The following TAFA2 variants were observed in gnomAD, a reference collection of about 807,000 sequenced individuals.
The protein encoded by TAFA2 is TAFA chemokine like family member 2.
Under a neutral mutation model 18.8 loss-of-function variants are expected in TAFA2, and 7 were observed. That is an observed-to-expected ratio of 0.37 (90% CI 0.21 to 0.70). TAFA2 has a LOEUF of 0.70. TAFA2 is among the 30% of genes least tolerant of loss of function. The pLI, the probability that TAFA2 is intolerant of heterozygous loss-of-function variation, is 0.53. For synonymous variants in TAFA2, 60 were observed against 54.2 expected (o/e 1.11, Z -0.47); for missense variants, 122 against 158.1 (o/e 0.77, Z 1.23).
intron 1 of TAFA2, among the ~76,000 whole-genome samples, chr12:62,229,020 C>T (rs530714217): frequency 9.2e-5 from 14 of 151,704 alleles, no homozygotes; most frequent in African/African-American, 3.1e-4. Flanking sequence ...TTTCAGTTGG[C>T]TGTTGGCATA....
intron 1 of TAFA2, among the ~76,000 whole-genome samples, chr12:61,889,494 C>T (rs1875535642): frequency 6.6e-6 from 1 of 152,100 alleles, no homozygotes; most frequent in African/African-American, 2.4e-5. Flanking sequence ...TGTTCTATAC[C>T]TTGCATTTAA....
At chr12:61,797,350 G>GA (rs967952259) in intron 2 of TAFA2, among the ~76,000 whole-genome samples, 4 of 151,892 alleles carry the variant, frequency 2.6e-5, no homozygotes, top group African/African-American at 7.3e-5. Context: ...CTCCTTTGGA[G>GA]AAAAAAAATC....
chr12:62,136,902 A>G (rs796084942), intron 1 of TAFA2, among the ~76,000 whole-genome samples: 2 of 152,254 alleles, frequency 1.3e-5, no homozygotes, highest in South Asian at 4.1e-4. Flanking sequence ...CCCAGAAAAT[A>G]TATGCATATG....
intron 1 of TAFA2, among the ~76,000 whole-genome samples, chr12:61,888,929 A>G (rs908254175): frequency 6.6e-6 from 1 of 152,164 alleles, no homozygotes; most frequent in Non-Finnish European, 1.5e-5. Context: ...TATTTTCAAC[A>G]AAAGCTTTTT....
intron 4 of TAFA2, among the ~76,000 whole-genome samples, chr12:61,743,405 T>A (rs551557732): frequency 6.6e-6 from 1 of 152,160 alleles, no homozygotes; most frequent in South Asian, 2.1e-4. Flanking sequence ...ACAGAACAAA[T>A]CTACATTTTT....
chr12:61,961,876 T>C (rs891428693), intron 1 of TAFA2, among the ~76,000 whole-genome samples: 3 of 152,056 alleles, frequency 2.0e-5, no homozygotes, highest in African/African-American at 7.2e-5. Flanking sequence ...TCCTGTTGCC[T>C]ACTTAAAATA....
chr12:62,059,098 G>A (rs895148371), intron 1 of TAFA2, among the ~76,000 whole-genome samples: 5 of 119,208 alleles, frequency 4.2e-5, no homozygotes, highest in Admixed American at 8.9e-5. Context: ...CCAAGACTCC[G>A]TCTCAAAAAA....
intron 1 of TAFA2, among the ~76,000 whole-genome samples, chr12:62,020,892 G>T (rs1270128628): frequency 1.3e-5 from 2 of 152,166 alleles, no homozygotes; most frequent in African/African-American, 4.8e-5. Flanking sequence ...ATCAAAGTAA[G>T]AATAATATTT....
intron 1 of TAFA2, among the ~76,000 whole-genome samples, chr12:62,198,012 A>G (rs2062655874): frequency 6.6e-6 from 1 of 152,182 alleles, no homozygotes; most frequent in African/African-American, 2.4e-5. Flanking sequence ...GTTTAACTTA[A>G]AAACAAGAAG....
intron 1 of TAFA2, among the ~76,000 whole-genome samples, chr12:62,243,882 G>C (rs1428324196): frequency 1.3e-5 from 2 of 152,142 alleles, no homozygotes; most frequent in Non-Finnish European, 2.9e-5. Context: ...TCCAGCTCAA[G>C]CAATCCTGCC....
intron 1 of TAFA2, among the ~76,000 whole-genome samples, chr12:62,248,768 T>C (rs942158230): frequency 5.9e-5 from 9 of 152,184 alleles, no homozygotes; most frequent in African/African-American, 1.7e-4. Context: ...GCAAAATATA[T>C]ATAATAAAAT....
chr12:62,176,971 C>T (rs1011974465), intron 1 of TAFA2, among the ~76,000 whole-genome samples: 1 of 152,202 alleles, frequency 6.6e-6, no homozygotes, highest in Non-Finnish European at 1.5e-5. Context: ...TTGGTCAAGC[C>T]ACTTGCTTAT....
chr12:61,873,688 C>A (rs1345095895), intron 1 of TAFA2, among the ~76,000 whole-genome samples: 1 of 152,072 alleles, frequency 6.6e-6, no homozygotes, highest in African/African-American at 2.4e-5. Flanking sequence ...TAGATTAATA[C>A]AAATAACCTA....
intron 1 of TAFA2, among the ~76,000 whole-genome samples, chr12:61,908,981 G>A (rs1876486670): frequency 1.3e-5 from 2 of 152,140 alleles, no homozygotes; most frequent in South Asian, 4.1e-4. Context: ...ATCCAGTAGT[G>A]CAATTTCAGG....
intron 2 of TAFA2, among the ~76,000 whole-genome samples, chr12:61,770,812 C>A (rs1307421604): frequency 6.6e-6 from 1 of 151,830 alleles, no homozygotes; most frequent in Non-Finnish European, 1.5e-5. Flanking sequence ...ACAGAACCTA[C>A]AAAACAATAA....
intron 2 of TAFA2, among the ~76,000 whole-genome samples, chr12:61,800,213 C>A (rs1341172584): frequency 6.6e-6 from 1 of 152,072 alleles, no homozygotes; most frequent in Non-Finnish European, 1.5e-5. Flanking sequence ...TAATGTTAAT[C>A]ACTTTTATGT....
At chr12:62,216,739 T>C (rs1038111508) in intron 1 of TAFA2, among the ~76,000 whole-genome samples, 12 of 152,210 alleles carry the variant, frequency 7.9e-5, no homozygotes. Context: ...GGTGTATATG[T>C]TTACAGTCTT....
intron 2 of TAFA2, among the ~76,000 whole-genome samples, chr12:61,823,708 C>G (rs767801878): frequency 1.3e-5 from 2 of 152,152 alleles, no homozygotes; most frequent in Non-Finnish European, 2.9e-5. Context: ...CTTCCTTCCC[C>G]CTCCAAACCC....
rs201860618 is a variant in TAFA2 at position 62,164,954 on chromosome 12, A to G, written c.-2+26305T>C. Among the ~76,000 whole-genome samples, 7 of 152,236 alleles carry G rather than the reference A, an allele frequency of 4.6e-5. No homozygotes were observed. In the East Asian group the frequency reaches 1.3e-3, roughly 29 times the overall value. ...CAATTTACAGATGAAACCCAGAGAA[A>G]TTAAATGATTTTCCCAAAGCTACAA... On this transcript the variant is annotated intron_variant, in intron 1 of 4. Transcript: ENST00000416284.
Sources: allele counts gnomAD v4.1 joint callset (sites outside exome capture counted in the v4.1 genomes callset), GRCh38; gene constraint gnomAD v4.1.1; transcripts MANE v1.5; gene names NCBI Gene and HGNC (gene_info 2026-07-23, HGNC 2026-07-21).